The following TRIM44 variants were observed in gnomAD, a reference collection of about 807,000 sequenced individuals.
TRIM44 encodes tripartite motif-containing protein 44.
A neutral mutation model predicts 37.4 loss-of-function variants in TRIM44; 13 were observed. The ratio of observed to expected loss-of-function variants is 0.35; its 90% confidence interval spans 0.23 to 0.55. The LOEUF (loss-of-function observed/expected upper bound fraction) is 0.55, where lower values mean the gene tolerates loss of function less well. TRIM44 is among the 20% of genes least tolerant of loss of function. TRIM44 has a pLI of 0.89. For missense variants in TRIM44, 426 were observed against 437.2 expected (o/e 0.97, Z 0.23); for synonymous variants, 175 against 157.2 (o/e 1.11, Z -0.85).
intron 2 of TRIM44, among the ~76,000 whole-genome samples, chr11:35,702,717 T>A (rs1484749466): frequency 3.3e-5 from 5 of 152,276 alleles, no homozygotes; most frequent in African/African-American, 1.2e-4. Flanking sequence ...GCTAAAAAAA[T>A]TTCATTAACA....
Position 35,663,249 on chromosome 11 carries a change from G to A in TRIM44, c.138G>A (p.Glu46=). 1 of 1,609,648 alleles carries A rather than the reference G, an allele frequency of 6.2e-7. No homozygotes were observed. The highest frequency in any genetic ancestry group is 8.5e-7 in the Non-Finnish European group (1 of 1,176,540). ...CGFCYCRRHA[E]AHRQKFLSHH... ...TCTGCTACTGCCGCCGCCATGCCGA[G>A]GCGCACAGGCAGAAGTTCCTCAGTC... is the stretch of plus-strand genomic sequence containing the variant. Residue 46 remains glutamate, a synonymous_variant, in exon 1 of 5, where the codon GAG becomes GAA. Transcript: ENST00000299413.
intron 1 of TRIM44, among the ~76,000 whole-genome samples, chr11:35,682,840 T>C (rs923784525): frequency 6.6e-6 from 1 of 152,192 alleles, no homozygotes; most frequent in African/African-American, 2.4e-5. Flanking sequence ...GTCTGCTTCT[T>C]AGGGATTCCT....
intron 4 of TRIM44, among the ~76,000 whole-genome samples, chr11:35,738,275 A>G (rs892998553): frequency 1.3e-5 from 2 of 152,214 alleles, no homozygotes; most frequent in Admixed American, 1.3e-4. Context: ...CCCTTTAAAG[A>G]TACTGTTCAG....
intron 4 of TRIM44, among the ~76,000 whole-genome samples, chr11:35,774,327 C>G (rs1852920146): frequency 6.6e-6 from 1 of 152,014 alleles, no homozygotes; most frequent in Non-Finnish European, 1.5e-5. Flanking sequence ...TGATTTTTTT[C>G]TTGTAAATTT....
chr11:35,735,318 G>T (rs572814167), intron 3 of TRIM44, 108 bp from the exon 4 acceptor site: 51 of 1,029,420 alleles, frequency 5.0e-5, no homozygotes, highest in Admixed American at 4.1e-4. Context: ...TACAATAAAT[G>T]TATAGTCCAT....
At chr11:35,678,533 T>G (rs1851488450) in intron 1 of TRIM44, among the ~76,000 whole-genome samples, 1 of 152,148 alleles carries the variant, frequency 6.6e-6, no homozygotes, top group Non-Finnish European at 1.5e-5. Context: ...TAATTTCATT[T>G]CCTTTTGACA....
chr11:35,668,368 C>T (rs1215736543), intron 1 of TRIM44, among the ~76,000 whole-genome samples: 2 of 152,168 alleles, frequency 1.3e-5, no homozygotes, highest in African/African-American at 2.4e-5. Flanking sequence ...CTTCCTCCCA[C>T]CCCCTATCCA....
At position 35,663,256 on chromosome 11, in the gene TRIM44, A is replaced by G; in HGVS notation, c.145A>G (p.Arg49Gly). ...CTGCCGCCGCCATGCCGAGGCGCACAGGCAGAAGTTCCTCAGTCACCATCT... is the reference window on the plus strand; with the variant it reads ...CTGCCGCCGCCATGCCGAGGCGCACGGGCAGAAGTTCCTCAGTCACCATCT... Reference protein sequence around the residue: ...CYCRRHAEAHRQKFLSHHLAE... With the variant: ...CYCRRHAEAHGQKFLSHHLAE... Residue 49 changes from arginine to glycine, a missense_variant, in exon 1 of 5, where the codon AGG (arginine) becomes GGG (glycine). Transcript: ENST00000299413. The G allele has an allele frequency of 1.9e-6, 3 of 1,609,710 alleles. No homozygotes were observed. The highest frequency in any genetic ancestry group is 2.5e-6 in the Non-Finnish European group (3 of 1,176,518).
chr11:35,743,259 C>T (rs1173138813), intron 4 of TRIM44, among the ~76,000 whole-genome samples: 1 of 152,220 alleles, frequency 6.6e-6, no homozygotes, highest in South Asian at 2.1e-4. Context: ...TTGAGTCCAG[C>T]TTGTAAAGGG....
At chr11:35,725,367 T>G (rs1213353443) in intron 2 of TRIM44, among the ~76,000 whole-genome samples, 2 of 152,204 alleles carry the variant, frequency 1.3e-5, no homozygotes, top group Admixed American at 6.5e-5. Context: ...GGAGACTTGC[T>G]CTGTTGCCCA....
At chr11:35,672,598 A>G (rs1851408057) in intron 1 of TRIM44, among the ~76,000 whole-genome samples, 1 of 152,182 alleles carries the variant, frequency 6.6e-6, no homozygotes, top group African/African-American at 2.4e-5. Context: ...GTTAAGTGAT[A>G]AGCGGAACAA....
At chr11:35,705,592 C>G (rs1851868527) in intron 2 of TRIM44, among the ~76,000 whole-genome samples, 1 of 151,558 alleles carries the variant, frequency 6.6e-6, no homozygotes, top group South Asian at 2.1e-4. Context: ...CAAACTAGAA[C>G]TCAGGATTAA....
chr11:35,733,134 G>A (rs1202774846), intron 3 of TRIM44, among the ~76,000 whole-genome samples: 1 of 152,152 alleles, frequency 6.6e-6, no homozygotes, highest in African/African-American at 2.4e-5. Context: ...GTGACCCTTT[G>A]AGGTAAGAAC....
At chr11:35,744,648 G>C (rs1852463387) in intron 4 of TRIM44, among the ~76,000 whole-genome samples, 1 of 151,972 alleles carries the variant, frequency 6.6e-6, no homozygotes, top group Non-Finnish European at 1.5e-5. Context: ...CTGGTTTGCT[G>C]CACAGATCGT....
At chr11:35,672,154 A>C (rs559180004) in intron 1 of TRIM44, among the ~76,000 whole-genome samples, 5 of 152,340 alleles carry the variant, frequency 3.3e-5, no homozygotes, top group African/African-American at 1.2e-4. Flanking sequence ...GTAGTCTAGT[A>C]ATTTTTAAAA....
Position 35,811,278 on chromosome 11 carries a change from A to G in TRIM44, c.*4893A>G, listed in dbSNP as rs926547171. Reference sequence around the variant, plus strand: ...ATTTAGTGATAAGTTTTCTCCTCAAAGTAAAATGATCCAGGCCTAGATTAC... The same window carrying G: ...ATTTAGTGATAAGTTTTCTCCTCAAGGTAAAATGATCCAGGCCTAGATTAC... On this transcript the variant is annotated 3_prime_UTR_variant, in exon 5 of 5. Coordinates refer to ENST00000299413, the MANE Select transcript of TRIM44 (RefSeq NM_017583.6). The G allele has an allele frequency of 1.3e-5, 2 of 152,206 alleles. No homozygotes were observed. The highest frequency in any genetic ancestry group is 4.8e-5 in the African/African-American group (2 of 41,464). 9.4% of individuals were successfully genotyped at this position (152,206 alleles called of 1,614,324 possible).
chr11:35,686,196 C>T (rs939596395), intron 2 of TRIM44, among the ~76,000 whole-genome samples: 5 of 151,888 alleles, frequency 3.3e-5, no homozygotes, highest in East Asian at 1.9e-4. Flanking sequence ...GACACCATAA[C>T]GGGGTGGAGG....
intron 4 of TRIM44, among the ~76,000 whole-genome samples, chr11:35,783,780 A>G (rs543370518): frequency 5.9e-5 from 9 of 152,292 alleles, no homozygotes; most frequent in Non-Finnish European, 1.2e-4. Context: ...CACTATGCCT[A>G]TCAGTGAACC....
At chr11:35,796,251 CCTCG>C (rs34280904) in intron 4 of TRIM44, among the ~76,000 whole-genome samples, 38,362 of 151,996 alleles carry the variant, frequency 0.25, 5,918 homozygotes, top group Middle Eastern at 0.43. Context: ...TGTGTATCTG[CCTCG>C]CTCGCTCGCT....
Sources: allele counts gnomAD v4.1 joint callset (sites outside exome capture counted in the v4.1 genomes callset), GRCh38; gene constraint gnomAD v4.1.1; transcripts MANE v1.5; gene names NCBI Gene and HGNC (gene_info 2026-07-23, HGNC 2026-07-21).